Variants in LYPD6 observed in about 807,000 individuals in gnomAD.
LYPD6 encodes ly6/PLAUR domain-containing protein 6.
LYPD6 carries 15 observed loss-of-function variants against 22.7 expected under a neutral mutation model. The ratio of observed to expected loss-of-function variants is 0.66; its 90% CI spans 0.44 to 1.02. The LOEUF (loss-of-function observed/expected upper bound fraction) is 1.02, where lower values mean the gene tolerates loss of function less well. Among genes scored for constraint, LYPD6 ranks in the 50% least tolerant of loss-of-function variants. LYPD6 has a pLI of 0.00. For missense variants in LYPD6, 189 were observed against 208.4 expected, an observed-to-expected ratio of 0.91 and a Z score of 0.57; for synonymous variants, 72 against 77.5, an observed-to-expected ratio of 0.93 and a Z score of 0.37.
At chr2:149,347,046 G>A (rs1446761599) in intron 1 of LYPD6, among the ~76,000 whole-genome samples, 1 of 152,138 alleles carries the variant, frequency 6.6e-6, no homozygotes, top group Non-Finnish European at 1.5e-5. Context: ...GGCAGTCAGA[G>A]GTCAAGGTGC....
At chr2:149,372,490 C>T (rs1008028045) in intron 1 of LYPD6, among the ~76,000 whole-genome samples, 1 of 152,168 alleles carries the variant, frequency 6.6e-6, no homozygotes, top group Non-Finnish European at 1.5e-5. Context: ...TTCACAAGGA[C>T]ACCTTCATCT....
intron 1 of LYPD6, among the ~76,000 whole-genome samples, chr2:149,427,305 G>A (rs1371358197): frequency 6.6e-6 from 1 of 151,832 alleles, no homozygotes; most frequent in Admixed American, 6.6e-5. Context: ...AAAAATTCCT[G>A]GAAAAAATAA....
intron 3 of LYPD6, among the ~76,000 whole-genome samples, chr2:149,462,523 A>G (rs1282570008): frequency 6.6e-6 from 1 of 151,846 alleles, no homozygotes; most frequent in Non-Finnish European, 1.5e-5. Context: ...TCCTGTCAAA[A>G]TCCCAGGAAG....
intron 1 of LYPD6, among the ~76,000 whole-genome samples, chr2:149,396,502 G>A (rs1682432281): frequency 6.6e-6 from 1 of 151,918 alleles, no homozygotes; most frequent in African/African-American, 2.4e-5. Flanking sequence ...TCTCAGTCAT[G>A]GTATCATTAT....
chr2:149,477,622 C>CAAA (rs35507967), downstream of LYPD6, among the ~76,000 whole-genome samples: 71 of 62,922 alleles, frequency 1.1e-3, 1 homozygote, highest in Non-Finnish European at 1.5e-3. Context: ...AACTGTGTCT[C>CAAA]AAAAAAAAAA....
At chr2:149,353,947 G>A (rs1400675663) in intron 1 of LYPD6, among the ~76,000 whole-genome samples, 2 of 152,032 alleles carry the variant, frequency 1.3e-5, no homozygotes, top group Non-Finnish European at 2.9e-5. Flanking sequence ...TCCATTCAGG[G>A]GCTGAAACTT....
At chr2:149,417,235 C>A (rs1249717660) in intron 1 of LYPD6, among the ~76,000 whole-genome samples, 1 of 152,176 alleles carries the variant, frequency 6.6e-6, no homozygotes, top group Non-Finnish European at 1.5e-5. Context: ...TGGACTTGCT[C>A]CAGAATCCCA....
chr2:149,434,453 CCTT>C (rs1683387032), intron 1 of LYPD6, among the ~76,000 whole-genome samples: 1 of 152,030 alleles, frequency 6.6e-6, no homozygotes, highest in African/African-American at 2.4e-5. Flanking sequence ...TTTAACTATC[CCTT>C]CAAGACATTT....
chr2:149,395,830 G>A (rs982544909), intron 1 of LYPD6, among the ~76,000 whole-genome samples: 2 of 152,138 alleles, frequency 1.3e-5, no homozygotes. Context: ...AATGGCTGTT[G>A]AATTTCACCA....
At chr2:149,482,358 A>G in the LYPD6 span, among the ~76,000 whole-genome samples, 1 of 152,350 alleles carries the variant, frequency 6.6e-6, no homozygotes, top group African/African-American at 2.4e-5. Flanking sequence ...TGCAGTTACA[A>G]AAATCAAGAA....
intron 1 of LYPD6, among the ~76,000 whole-genome samples, chr2:149,404,802 G>A (rs911118092): frequency 1.1e-4 from 16 of 152,244 alleles, no homozygotes; most frequent in African/African-American, 3.4e-4. Context: ...GGGCATCCCT[G>A]TCTTGTGCCA....
At chr2:149,445,818 G>A (rs909222355) in intron 2 of LYPD6, among the ~76,000 whole-genome samples, 4 of 152,144 alleles carry the variant, frequency 2.6e-5, no homozygotes, top group East Asian at 1.9e-4. Context: ...TAACATTCGT[G>A]TATTCATTAA....
At chr2:149,391,728 C>A (rs560874095) in intron 1 of LYPD6, among the ~76,000 whole-genome samples, 1 of 152,262 alleles carries the variant, frequency 6.6e-6, no homozygotes, top group East Asian at 1.9e-4. Context: ...CTGTGACATA[C>A]CTCCCTTTCA....
At chr2:149,420,311 T>C (rs1683051081) in intron 1 of LYPD6, among the ~76,000 whole-genome samples, 1 of 152,332 alleles carries the variant, frequency 6.6e-6, no homozygotes, top group Non-Finnish European at 1.5e-5. Context: ...AGTTCAAGTT[T>C]GCAGTCTGCA....
Position 149,384,571 on chromosome 2 carries a change from G to A in LYPD6, c.-71-53067G>A, listed in dbSNP as rs80186508. Among the ~76,000 whole-genome samples the A allele has an allele frequency of 6.9e-3, 1,058 of 152,264 alleles. 7 individuals carry two copies. Among genetic ancestry groups the A allele is most frequent in the African/African-American group, 0.025 (1,025 of 41,540 alleles). ...ATTTGACATGGCGCCTACCACAGAG[G>A]TGTGCTCGTGTTGGCACTATAGCTG... On this transcript the variant is annotated intron_variant, in intron 1 of 4. Coordinates refer to ENST00000334166, the MANE Select transcript of LYPD6 (RefSeq NM_194317.5).
chr2:149,418,398 C>T (rs1275802212), intron 1 of LYPD6, among the ~76,000 whole-genome samples: 3 of 151,258 alleles, frequency 2.0e-5, no homozygotes, highest in South Asian at 2.1e-4. Context: ...ATGTTGCTCA[C>T]GCATTATCTA....
chr2:149,468,136 C>CACACACAT (rs1301104289), intron 3 of LYPD6, among the ~76,000 whole-genome samples: 1 of 88,794 alleles, frequency 1.1e-5, no homozygotes, highest in African/African-American at 4.8e-5. Context: ...CCCCCCAACA[C>CACACACAT]ACACACACAC....
At chr2:149,475,032 G>A (rs1681427354), downstream of LYPD6, among the ~76,000 whole-genome samples, 1 of 152,048 alleles carries the variant, frequency 6.6e-6, no homozygotes, top group South Asian at 2.1e-4. Context: ...CTCCCAAAGG[G>A]GTTTTAAAAG....
At chr2:149,338,183 C>CT (rs1281262215) in intron 1 of LYPD6, among the ~76,000 whole-genome samples, 8 of 152,130 alleles carry the variant, frequency 5.3e-5, no homozygotes, top group Admixed American at 5.2e-4. Context: ...AATGGGATTG[C>CT]TGGGTCAAGT....
Sources: gnomAD v4.1 joint callset for allele counts (sites outside exome capture counted in the v4.1 genomes callset) on GRCh38, gnomAD v4.1.1 for gene constraint, MANE v1.5 for transcripts, NCBI Gene and HGNC (gene_info 2026-07-23, HGNC 2026-07-21) for gene names.